RSF1: variants seen among roughly 807,000 people sequenced by gnomAD.
RSF1 encodes HBV pX-associated protein 8.
Under a neutral mutation model 145.2 loss-of-function variants are expected in RSF1, and 13 were observed. The ratio of observed to expected loss-of-function variants is 0.09; its 90% confidence interval spans 0.06 to 0.14. The LOEUF is 0.14. RSF1 is among the 10% of genes least tolerant of loss of function. RSF1 has a pLI of 1.00. For missense variants in RSF1, 1,517 were observed against 1,718.2 expected (o/e 0.88, Z 2.07); for synonymous variants, 577 against 592.6 (o/e 0.97, Z 0.38).
At chr11:77,844,434 C>T in the RSF1 span, among the ~76,000 whole-genome samples, 62 of 152,052 alleles carry the variant, frequency 4.1e-4, no homozygotes, top group African/African-American at 1.3e-3. Context: ...GAGATCATGG[C>T]GCACTGTAGT....
intron 2 of RSF1, 98 bp downstream of exon 2, chr11:77,764,500 A>G: frequency 1.4e-6 from 1 of 724,232 alleles, no homozygotes; most frequent in Non-Finnish European, 2.3e-6. Context: ...TACTTTTAGT[A>G]AACTAATTAA....
intron 1 of RSF1, among the ~76,000 whole-genome samples, chr11:77,771,826 G>T (rs1168306893): frequency 6.6e-6 from 1 of 152,154 alleles, no homozygotes; most frequent in Non-Finnish European, 1.5e-5. Flanking sequence ...ATTGGAGAGG[G>T]TATAAATATG....
the RSF1 span, among the ~76,000 whole-genome samples, chr11:77,858,917 T>C: frequency 6.6e-6 from 1 of 152,236 alleles, no homozygotes; most frequent in African/African-American, 2.4e-5. Flanking sequence ...GATACAGGGA[T>C]TGAAATGCAT....
At chr11:77,866,849 C>CT in the RSF1 span, 1,256 of 151,190 alleles carry the variant, frequency 8.3e-3, 14 homozygotes, top group African/African-American at 0.027. Flanking sequence ...TTTCTTTTTC[C>CT]TTTTTTTTGA....
the RSF1 span, among the ~76,000 whole-genome samples, chr11:77,847,781 C>T: frequency 6.6e-6 from 1 of 152,100 alleles, no homozygotes; most frequent in African/African-American, 2.4e-5. Context: ...TCCAGAAAAA[C>T]AGAACTAGTA....
chr11:77,771,172 C>T (rs1021315621), intron 1 of RSF1, among the ~76,000 whole-genome samples: 2 of 152,110 alleles, frequency 1.3e-5, no homozygotes, highest in Non-Finnish European at 2.9e-5. Context: ...GGGGGAAGAA[C>T]GGATTTTTTC....
chr11:77,696,335 G>A (rs1474537322), intron 7 of RSF1, among the ~76,000 whole-genome samples: 1 of 152,144 alleles, frequency 6.6e-6, no homozygotes, highest in African/African-American at 2.4e-5. Context: ...ATCCCTTAGA[G>A]TTCTATATTC....
intron 5 of RSF1, among the ~76,000 whole-genome samples, chr11:77,714,779 C>T (rs1960767081): frequency 6.6e-6 from 1 of 151,974 alleles, no homozygotes; most frequent in African/African-American, 2.4e-5. Flanking sequence ...GAGGTGAAAG[C>T]TGCAGTGAGC....
chr11:77,671,038 G>A (rs1407856073), intron 15 of RSF1, among the ~76,000 whole-genome samples: 21 of 138,230 alleles, frequency 1.5e-4, no homozygotes, highest in South Asian at 4.7e-4. Context: ...CTTGGGAGGC[G>A]GAGGTTGCAG....
chr11:77,728,150 C>G (rs1961103372), intron 4 of RSF1, among the ~76,000 whole-genome samples: 1 of 152,172 alleles, frequency 6.6e-6, no homozygotes, highest in Non-Finnish European at 1.5e-5. Context: ...AGATATATCC[C>G]TCCAAAATAC....
At chr11:77,822,865 G>C (rs1049798873), upstream of RSF1, among the ~76,000 whole-genome samples, 2 of 152,122 alleles carry the variant, frequency 1.3e-5, no homozygotes, top group African/African-American at 4.8e-5. Context: ...CACTTAAAGT[G>C]GTTAAAATGG....
chr11:77,820,789 C>T, upstream of RSF1: 2 of 1,444,278 alleles, frequency 1.4e-6, no homozygotes, highest in Non-Finnish European at 1.9e-6. Context: ...GCAAGGCAAC[C>T]TTACAGACGA....
intron 4 of RSF1, among the ~76,000 whole-genome samples, chr11:77,736,607 C>G (rs1344651122): frequency 1.3e-5 from 2 of 152,184 alleles, no homozygotes; most frequent in Non-Finnish European, 2.9e-5. Context: ...GTGGACAAGA[C>G]AGTTTACTAT....
At chr11:77,740,220 A>G (rs1288492576) in intron 4 of RSF1, among the ~76,000 whole-genome samples, 1 of 152,136 alleles carries the variant, frequency 6.6e-6, no homozygotes, top group African/African-American at 2.4e-5. Flanking sequence ...TATTAAAAAT[A>G]CAAAATTAGC....
chr11:77,808,527 C>CTTTT (rs745630976), intron 1 of RSF1, among the ~76,000 whole-genome samples: 2,445 of 59,988 alleles, frequency 0.041, 236 homozygotes, highest in East Asian at 0.096. Context: ...AATATTATAC[C>CTTTT]TTTTTTTTTT....
At chr11:77,748,473 G>A (rs1462295772) in intron 2 of RSF1, among the ~76,000 whole-genome samples, 3 of 151,884 alleles carry the variant, frequency 2.0e-5, no homozygotes, top group African/African-American at 4.8e-5. Flanking sequence ...CAGGAAGCAT[G>A]AGTTTCCCAT....
At chr11:77,809,539 C>T (rs899437642) in intron 1 of RSF1, among the ~76,000 whole-genome samples, 4 of 152,066 alleles carry the variant, frequency 2.6e-5, no homozygotes, top group African/African-American at 9.7e-5. Context: ...ATGAAAAGGC[C>T]ATGAGGCAAA....
At chr11:77,716,985 C>T (rs530461070) in intron 5 of RSF1, among the ~76,000 whole-genome samples, 53 of 151,984 alleles carry the variant, frequency 3.5e-4, no homozygotes, top group Non-Finnish European at 7.7e-4. Flanking sequence ...CAAGACCAGC[C>T]TGGGCAACAC....
chr11:77,833,128 G>A, the RSF1 span, among the ~76,000 whole-genome samples: 7 of 149,204 alleles, frequency 4.7e-5, no homozygotes, highest in South Asian at 2.1e-4. Context: ...CTCCTGCCTC[G>A]GCTTTGGAGT....
Sources: allele counts gnomAD v4.1 joint callset (sites outside exome capture counted in the v4.1 genomes callset), GRCh38; gene constraint gnomAD v4.1.1; transcripts MANE v1.5; gene names NCBI Gene and HGNC (gene_info 2026-07-23, HGNC 2026-07-21).